BTBD16: variants seen among roughly 807,000 people sequenced by gnomAD.
BTBD16 encodes BTB domain containing 16.
BTBD16 carries 66 observed loss-of-function variants against 67.4 expected under a neutral mutation model. The observed-to-expected ratio is 0.98, with a 90% CI of 0.80 to 1.20. The LOEUF is 1.20. Ranked by LOEUF, BTBD16 falls within the 50% of genes most tolerant of loss-of-function variation. BTBD16 has a pLI of 0.00. For missense variants in BTBD16, 634 were observed against 616.0 expected (o/e 1.03, Z -0.31); for synonymous variants, 242 against 236.4 (o/e 1.02, Z -0.22).
At chr10:122,292,789 G>A (rs2096376517) in intron 7 of BTBD16, among the ~76,000 whole-genome samples, 1 of 152,190 alleles carries the variant, frequency 6.6e-6, no homozygotes, top group African/African-American at 2.4e-5. Flanking sequence ...GAATAAAGGT[G>A]GATGGAATGA....
intron 7 of BTBD16, chr10:122,293,982 C>T (rs570160896): frequency 2.0e-4 from 49 of 249,554 alleles, no homozygotes; most frequent in African/African-American, 1.1e-3. Context: ...CCCCTCCCCC[C>T]ACCTTGTTTT....
At position 122,281,843 on chromosome 10, in the gene BTBD16, C is replaced by T. The variant is rs1476162698; in HGVS notation, c.168-2008C>T. The stretch of plus-strand genomic sequence containing the variant: ...TATGTCCATGAGAAACTTACTTCCT[C>T]TTCTTCCCCTTCTGCCTTTCTCCAT... On this transcript the variant is annotated intron_variant, in intron 3 of 15. Transcript: ENST00000260723. Among the ~76,000 whole-genome samples the T allele has an allele frequency of 2.0e-5, 3 of 152,212 alleles. No individual in the cohort carries two copies. In the East Asian group the frequency reaches 5.8e-4, roughly 29 times the overall value.
At chr10:122,285,009 T>C (rs1453452899) in intron 4 of BTBD16, among the ~76,000 whole-genome samples, 2 of 152,152 alleles carry the variant, frequency 1.3e-5, no homozygotes, top group Non-Finnish European at 2.9e-5. Context: ...CAATGTAATA[T>C]TTGAGATGCA....
intron 10 of BTBD16, among the ~76,000 whole-genome samples, chr10:122,315,779 T>G (rs1051507127): frequency 4.6e-5 from 7 of 152,228 alleles, no homozygotes; most frequent in Admixed American, 1.3e-4. Context: ...TGTTTTAAAT[T>G]TATTGACACC....
intron 2 of BTBD16, 151 bp downstream of exon 2, chr10:122,275,250 A>G: frequency 1.6e-5 from 12 of 754,762 alleles, no homozygotes; most frequent in Non-Finnish European, 2.8e-5. Context: ...GCGTCCAGGC[A>G]GCACCGTCCA....
rs761013690 is a variant in BTBD16 at position 122,297,828 on chromosome 10, C to T, written c.651C>T (p.Ala217=). The T allele has an allele frequency of 7.4e-6, 12 of 1,613,968 alleles. No individual in the cohort carries two copies. Among genetic ancestry groups the T allele is most frequent in the East Asian group, 4.5e-5 (2 of 44,890 alleles). The change falls in exon 8 of 16, where the codon GCC becomes GCT. Residue 217 remains alanine, a synonymous_variant. Transcript: ENST00000260723. ...KPSTIKKFYE[A]GCKYKEEQLT... ...GCACCATCAAGAAATTCTACGAGGC[C>T]GGCTGCAAGGTGAGAACAACCCAGA...
intron 10 of BTBD16, among the ~76,000 whole-genome samples, chr10:122,325,229 C>T (rs773953382): frequency 1.8e-4 from 27 of 152,206 alleles, no homozygotes; most frequent in Non-Finnish European, 2.9e-4. Flanking sequence ...CCAGGTCATT[C>T]ATCCAATTAA....
At chr10:122,277,095 G>C (rs2096342348) in intron 3 of BTBD16, among the ~76,000 whole-genome samples, 156 bp downstream of exon 3, 1 of 152,126 alleles carries the variant, frequency 6.6e-6, no homozygotes, top group Non-Finnish European at 1.5e-5. Context: ...CATGGACAGG[G>C]TCATAAGTGA....
chr10:122,284,058 C>T (rs1378012732), intron 4 of BTBD16, 134 bp downstream of exon 4: 13 of 661,432 alleles, frequency 2.0e-5, no homozygotes, highest in South Asian at 7.1e-5. Flanking sequence ...CACTTCCCAG[C>T]GTCTAAGAAA....
intron 9 of BTBD16, among the ~76,000 whole-genome samples, chr10:122,300,956 C>A (rs1280545639): frequency 6.6e-6 from 1 of 152,170 alleles, no homozygotes; most frequent in Non-Finnish European, 1.5e-5. Context: ...ATGCAATGCC[C>A]TCACGTTTAC....
chr10:122,283,883 T>C lies in BTBD16; in HGVS notation c.200T>C (p.Phe67Ser), dbSNP rs2096358055. The change falls in exon 4 of 16, where the codon TTT becomes TCT. Residue 67 changes from phenylalanine (F) to serine (S), a missense_variant. Coordinates refer to ENST00000260723, the MANE Select transcript of BTBD16 (RefSeq NM_144587.5). ...ATTTCACAAATCCAGAAGTTTTTCT[T>C]TGAGAATTTCAAGAACAAGGACATC... ...LCISQIQKFF[F>S]ENFKNKDIQS... 2 of 1,614,054 alleles carry C rather than the reference T, an allele frequency of 1.2e-6. No individual in the cohort carries two copies. Among genetic ancestry groups the C allele is most frequent in the African/African-American group, 2.7e-5 (2 of 74,944 alleles).
At chr10:122,310,769 G>A (rs2096412410) in intron 10 of BTBD16, among the ~76,000 whole-genome samples, 2 of 152,194 alleles carry the variant, frequency 1.3e-5, no homozygotes, top group African/African-American at 4.8e-5. Context: ...GACATGTTGA[G>A]GCCGTCACAT....
At chr10:122,318,575 G>A (rs1026792909) in intron 10 of BTBD16, among the ~76,000 whole-genome samples, 7 of 152,030 alleles carry the variant, frequency 4.6e-5, no homozygotes, top group African/African-American at 1.7e-4. Context: ...TTTCCAATGT[G>A]GTTGGACTAT....
intron 10 of BTBD16, among the ~76,000 whole-genome samples, chr10:122,313,507 C>G (rs1833131657): frequency 6.6e-6 from 1 of 151,894 alleles, no homozygotes; most frequent in African/African-American, 2.4e-5. Context: ...TTGTGATCCG[C>G]CCGCCTCGGC....
chr10:122,333,733 A>G (rs1477618159), intron 13 of BTBD16, among the ~76,000 whole-genome samples: 1 of 152,086 alleles, frequency 6.6e-6, no homozygotes, highest in Non-Finnish European at 1.5e-5. Context: ...TGTGCAGCCT[A>G]AATATCTTCT....
intron 13 of BTBD16, chr10:122,333,039 C>T (rs781058421): frequency 2.6e-5 from 21 of 816,610 alleles, no homozygotes; most frequent in Non-Finnish European, 3.1e-5. Flanking sequence ...GAGTTGGTAG[C>T]TGTGCTCCAT....
At chr10:122,333,047 C>T (rs2133324485) in intron 13 of BTBD16, 1 of 751,200 alleles carries the variant, frequency 1.3e-6, no homozygotes, top group East Asian at 1.3e-4. Flanking sequence ...AGCTGTGCTC[C>T]ATGCTGGGTT....
chr10:122,334,194 C>CT (rs71301565), intron 13 of BTBD16, among the ~76,000 whole-genome samples: 1,038 of 93,112 alleles, frequency 0.011, 9 homozygotes, highest in African/African-American at 0.024. Flanking sequence ...GTCCTCTTGA[C>CT]TTTTTTTTTT....
chr10:122,284,828 G>A (rs2096360466), intron 4 of BTBD16, among the ~76,000 whole-genome samples: 1 of 152,132 alleles, frequency 6.6e-6, no homozygotes, highest in African/African-American at 2.4e-5. Context: ...CTCCTGGCAT[G>A]AGAGAAAGAG....
Sources: gnomAD v4.1 joint callset for allele counts (sites outside exome capture counted in the v4.1 genomes callset) on GRCh38, gnomAD v4.1.1 for gene constraint, MANE v1.5 for transcripts, NCBI Gene and HGNC (gene_info 2026-07-23, HGNC 2026-07-21) for gene names.